Variants in ADGRL2 observed in about 807,000 individuals in gnomAD.
ADGRL2 encodes calcium-independent alpha-latrotoxin receptor 2.
ADGRL2 carries 44 observed loss-of-function variants against 157.4 expected under a neutral mutation model. The ratio of observed to expected loss-of-function variants is 0.28; its 90% CI spans 0.22 to 0.36. The LOEUF is 0.36. ADGRL2 is among the 10% of genes least tolerant of loss of function. The probability of loss-of-function intolerance (pLI) is 1.00; values close to 1 mark genes in which losing one functional copy is unlikely to be tolerated. For missense variants in ADGRL2, 1,510 were observed against 1,768.9 expected, an observed-to-expected ratio of 0.85 and a Z score of 2.63; for synonymous variants, 585 against 624.7, an observed-to-expected ratio of 0.94 and a Z score of 0.95.
chr1:81,953,940 G>A (rs534668496), intron 10 of ADGRL2, among the ~76,000 whole-genome samples: 1 of 152,188 alleles, frequency 6.6e-6, no homozygotes, highest in South Asian at 2.1e-4. Flanking sequence ...GGTTGGCAAG[G>A]TCTAGGAAAA....
intron 2 of ADGRL2, among the ~76,000 whole-genome samples, chr1:81,504,782 C>T (rs1313102867): frequency 6.6e-6 from 1 of 152,194 alleles, no homozygotes; most frequent in African/African-American, 2.4e-5. Flanking sequence ...GGACACCTCC[C>T]CATCACTCAG....
intron 1 of ADGRL2, among the ~76,000 whole-genome samples, chr1:81,346,281 A>G (rs1201541723): frequency 6.6e-6 from 1 of 152,324 alleles, no homozygotes; most frequent in Admixed American, 6.5e-5. Flanking sequence ...CATTTTTGCA[A>G]TTGCTATAAT....
intron 2 of ADGRL2, among the ~76,000 whole-genome samples, chr1:81,462,597 G>C (rs569804728): frequency 6.6e-6 from 1 of 152,242 alleles, no homozygotes; most frequent in African/African-American, 2.4e-5. Flanking sequence ...AAGTTACCAG[G>C]TAGTGTGGTC....
chr1:81,758,241 G>A (rs965797964), intron 1 of ADGRL2, among the ~76,000 whole-genome samples: 1 of 152,082 alleles, frequency 6.6e-6, no homozygotes, highest in Non-Finnish European at 1.5e-5. Context: ...GTTTGAGGAT[G>A]GTGCCAAAAT....
At chr1:81,545,690 A>G (rs1265157968) in intron 2 of ADGRL2, among the ~76,000 whole-genome samples, 1 of 152,194 alleles carries the variant, frequency 6.6e-6, no homozygotes, top group African/African-American at 2.4e-5. Flanking sequence ...TCCCCATTAT[A>G]TAGAACAGGA....
intron 2 of ADGRL2, among the ~76,000 whole-genome samples, chr1:81,896,102 CAT>C (rs1048027361): frequency 2.0e-5 from 3 of 152,052 alleles, no homozygotes; most frequent in Non-Finnish European, 4.4e-5. Context: ...CATTAAATAA[CAT>C]AGAGTTGGAA....
chr1:81,747,018 A>G (rs566346839), intron 1 of ADGRL2, among the ~76,000 whole-genome samples: 2 of 144,026 alleles, frequency 1.4e-5, no homozygotes, highest in South Asian at 2.2e-4. Flanking sequence ...ACACGTATGT[A>G]TACACGTGTA....
Position 81,991,119 on chromosome 1 carries a change from C to G in ADGRL2, c.4384C>G (p.Gln1462Glu). The G allele has an allele frequency of 6.2e-7, 1 of 1,607,670 alleles. No individual in the cohort carries two copies. The highest frequency in any genetic ancestry group is 8.5e-7 in the Non-Finnish European group (1 of 1,175,792). Residue 1462 changes from glutamine (Q) to glutamate (E), a missense_variant, in exon 24 of 24, where the codon CAA becomes GAA. By Grantham distance (29) the Gln-to-Glu change is conservative (BLOSUM62 2). Coordinates refer to ENST00000686636, the MANE Select transcript of ADGRL2 (RefSeq NM_001366006.2). ...TCCAGAAGGAGATGTTAGAGAAGGA[C>G]AAATGCAGCTGGTTACAAGTCTTTA... is the stretch of plus-strand genomic sequence containing the variant. ...CIPEGDVREG[Q>E]MQLVTSL is the part of the protein sequence containing the mutation.
intron 2 of ADGRL2, among the ~76,000 whole-genome samples, chr1:81,858,682 G>A (rs1240724025): frequency 3.9e-5 from 6 of 151,934 alleles, no homozygotes; most frequent in African/African-American, 1.2e-4. Flanking sequence ...GAGTACTTCC[G>A]TCAGGGACTG....
intron 2 of ADGRL2, among the ~76,000 whole-genome samples, chr1:81,893,895 T>C (rs901875374): frequency 7.2e-5 from 11 of 152,256 alleles, no homozygotes; most frequent in African/African-American, 2.4e-4. Context: ...TCATTAAAAA[T>C]TGAACAAACC....
intron 1 of ADGRL2, among the ~76,000 whole-genome samples, chr1:81,748,719 G>A (rs894894656): frequency 6.6e-5 from 10 of 151,834 alleles, no homozygotes; most frequent in African/African-American, 2.2e-4. Flanking sequence ...CCAGGCTGGG[G>A]TGCAGTGGCA....
chr1:81,775,548 G>A (rs1249362702), intron 2 of ADGRL2, among the ~76,000 whole-genome samples: 3 of 151,568 alleles, frequency 2.0e-5, no homozygotes, highest in Admixed American at 6.6e-5. Flanking sequence ...TCTTGCATTT[G>A]TGGAGCATTC....
At chr1:81,385,546 G>A (rs1401711811) in intron 1 of ADGRL2, among the ~76,000 whole-genome samples, 1 of 151,614 alleles carries the variant, frequency 6.6e-6, no homozygotes, top group Non-Finnish European at 1.5e-5. Context: ...AAAGCACATA[G>A]AAATATTTCC....
At chr1:81,353,349 G>T (rs1451070022) in intron 1 of ADGRL2, among the ~76,000 whole-genome samples, 1 of 152,142 alleles carries the variant, frequency 6.6e-6, no homozygotes, top group Non-Finnish European at 1.5e-5. Flanking sequence ...GCCACAACCA[G>T]ATTTGCTTGT....
chr1:81,537,999 C>T (rs535160418), intron 2 of ADGRL2, among the ~76,000 whole-genome samples: 30 of 152,244 alleles, frequency 2.0e-4, no homozygotes, highest in African/African-American at 7.0e-4. Flanking sequence ...CATGCCCGGC[C>T]GTGTCTCCTT....
intron 2 of ADGRL2, among the ~76,000 whole-genome samples, chr1:81,895,642 G>A (rs1344971823): frequency 6.6e-6 from 1 of 151,978 alleles, no homozygotes; most frequent in African/African-American, 2.4e-5. Context: ...TGATCCACCT[G>A]CCTCGGCCTC....
chr1:81,987,408 A>G (rs754218184), intron 22 of ADGRL2: 1 of 968,950 alleles, frequency 1.0e-6, no homozygotes, highest in Non-Finnish European at 1.7e-6. Flanking sequence ...TGCTTCTGGA[A>G]TGAATTAGCT....
intron 2 of ADGRL2, among the ~76,000 whole-genome samples, chr1:81,531,542 C>T (rs956470999): frequency 3.9e-5 from 6 of 152,276 alleles, no homozygotes; most frequent in African/African-American, 1.4e-4. Context: ...AAACCAAACT[C>T]TCATAATCCT....
At chr1:81,543,677 CT>C (rs2079944719) in intron 2 of ADGRL2, among the ~76,000 whole-genome samples, 1 of 152,164 alleles carries the variant, frequency 6.6e-6, no homozygotes, top group Admixed American at 6.5e-5. Context: ...AGCCCTGTCC[CT>C]TGACAGTCTA....
Sources: allele counts gnomAD v4.1 joint callset (sites outside exome capture counted in the v4.1 genomes callset), GRCh38; gene constraint gnomAD v4.1.1; transcripts MANE v1.5; gene names NCBI Gene and HGNC (gene_info 2026-07-23, HGNC 2026-07-21).